Variants in PDK1 observed in about 807,000 individuals in gnomAD.
PDK1 encodes the protein [Pyruvate dehydrogenase (acetyl-transferring)] kinase isozyme 1, mitochondrial.
PDK1 carries 39 observed loss-of-function variants against 54.2 expected under a neutral mutation model. The observed-to-expected ratio is 0.72, with a 90% CI of 0.56 to 0.94. The LOEUF is 0.94. Among genes scored for constraint, PDK1 ranks in the 40% least tolerant of loss-of-function variants. The pLI, the probability that PDK1 is intolerant of heterozygous loss-of-function variation, is 0.00. For synonymous variants in PDK1, 221 were observed against 207.1 expected (o/e 1.07, Z -0.58); for missense variants, 552 against 566.0 (o/e 0.98, Z 0.25).
chr2:172,662,439 C>T, the PDK1 span, among the ~76,000 whole-genome samples: 7 of 148,992 alleles, frequency 4.7e-5, no homozygotes, highest in South Asian at 1.1e-3. Context: ...TATGCATATA[C>T]GTATTTTTAA....
chr2:172,640,854 G>A, the PDK1 span, among the ~76,000 whole-genome samples: 1 of 152,164 alleles, frequency 6.6e-6, no homozygotes, highest in Admixed American at 6.5e-5. Flanking sequence ...TGGATACACA[G>A]TAGCCTTGAG....
chr2:172,698,770 C>T, the PDK1 span, among the ~76,000 whole-genome samples: 10 of 152,212 alleles, frequency 6.6e-5, no homozygotes, highest in Admixed American at 3.3e-4. Context: ...ACATTAGAAC[C>T]ACGTGAGGAG....
At chr2:172,640,199 G>A in the PDK1 span, among the ~76,000 whole-genome samples, 3 of 152,170 alleles carry the variant, frequency 2.0e-5, no homozygotes, top group African/African-American at 7.2e-5. Flanking sequence ...CCTTGACAAG[G>A]GATAGAAGGG....
At chr2:172,588,414 C>T (rs929735025) in intron 9 of PDK1, among the ~76,000 whole-genome samples, 1 of 152,160 alleles carries the variant, frequency 6.6e-6, no homozygotes, top group African/African-American at 2.4e-5. Flanking sequence ...GCCACAGATT[C>T]CCCACTTAGA....
At chr2:172,683,777 GA>G in the PDK1 span, among the ~76,000 whole-genome samples, 26 of 152,196 alleles carry the variant, frequency 1.7e-4, no homozygotes, top group Non-Finnish European at 1.5e-4. Context: ...AAAATAGGGA[GA>G]AACCAGCAAA....
the PDK1 span, among the ~76,000 whole-genome samples, chr2:172,633,945 G>A: frequency 1.7e-5 from 2 of 120,884 alleles, no homozygotes; most frequent in African/African-American, 3.1e-5. Flanking sequence ...GCACGATCTC[G>A]CCTCACTGCA....
At chr2:172,555,994 A>C, upstream of PDK1, 2 of 463,426 alleles carry the variant, frequency 4.3e-6, no homozygotes, top group East Asian at 3.7e-5. Flanking sequence ...CGTCCCGCCC[A>C]GCGGCGCAGG....
chr2:172,694,773 G>C, the PDK1 span, among the ~76,000 whole-genome samples: 2 of 152,250 alleles, frequency 1.3e-5, no homozygotes, highest in East Asian at 3.9e-4. Flanking sequence ...TGTATACATA[G>C]CTCTCATTTG....
intron 8 of PDK1, among the ~76,000 whole-genome samples, chr2:172,584,912 C>G (rs989616708): frequency 1.3e-5 from 2 of 151,366 alleles, no homozygotes; most frequent in Non-Finnish European, 2.9e-5. Flanking sequence ...CCAAGTGATC[C>G]CCCTGTTATG....
chr2:172,562,530 A>G (rs796175692), intron 3 of PDK1, among the ~76,000 whole-genome samples: 1 of 152,254 alleles, frequency 6.6e-6, no homozygotes, highest in South Asian at 2.1e-4. Context: ...GTGTGGCCTC[A>G]GTGCCAGTTG....
chr2:172,642,186 T>C, the PDK1 span, among the ~76,000 whole-genome samples: 3 of 152,020 alleles, frequency 2.0e-5, no homozygotes, highest in East Asian at 1.9e-4. Context: ...GTTTGTTTGA[T>C]TGTAGGAAAA....
intron 7 of PDK1, among the ~76,000 whole-genome samples, chr2:172,569,340 G>A (rs767098196): frequency 3.9e-4 from 60 of 151,996 alleles, no homozygotes; most frequent in Non-Finnish European, 1.8e-4. Context: ...TGACTTACAG[G>A]GTTTCTGCTG....
chr2:172,713,740 C>CCTGCAGCTGGGTGG, the PDK1 span, among the ~76,000 whole-genome samples: 1 of 152,228 alleles, frequency 6.6e-6, no homozygotes, highest in Non-Finnish European at 1.5e-5. Context: ...ATGCCCAGGT[C>CCTGCAGCTGGGTGG]CTGCAGCTGG....
chr2:172,634,535 A>G, the PDK1 span, among the ~76,000 whole-genome samples: 1 of 151,864 alleles, frequency 6.6e-6, no homozygotes, highest in Non-Finnish European at 1.5e-5. Context: ...GGCCTTCCAA[A>G]GTGCTGGGAT....
downstream of PDK1, among the ~76,000 whole-genome samples, chr2:172,611,575 G>A (rs865844354): frequency 2.6e-5 from 4 of 152,094 alleles, no homozygotes; most frequent in East Asian, 1.9e-4. Flanking sequence ...TAGTTTTACC[G>A]TGATGCCAAA....
the PDK1 span, among the ~76,000 whole-genome samples, chr2:172,638,359 A>T: frequency 6.6e-6 from 1 of 152,270 alleles, no homozygotes; most frequent in Non-Finnish European, 1.5e-5. Flanking sequence ...CTTCTTGCTG[A>T]CATACATTTC....
chr2:172,645,844 T>C, the PDK1 span, among the ~76,000 whole-genome samples: 1 of 152,214 alleles, frequency 6.6e-6, no homozygotes, highest in African/African-American at 2.4e-5. Context: ...GGATACATGA[T>C]TGAATAAATC....
chr2:172,589,499 A>C (rs1690451927), intron 9 of PDK1, among the ~76,000 whole-genome samples: 1 of 152,192 alleles, frequency 6.6e-6, no homozygotes, highest in Non-Finnish European at 1.5e-5. Flanking sequence ...CCAGGGGAGT[A>C]AATACCCACC....
At chr2:172,564,920 T>G (rs1251529149) in intron 4 of PDK1, 58 bp from the exon 5 acceptor site, 21 of 1,167,036 alleles carry the variant, frequency 1.8e-5, no homozygotes, top group Non-Finnish European at 2.7e-5. Flanking sequence ...TATTCAGATT[T>G]GGAAAAGAGC....
Sources: gnomAD v4.1 joint callset for allele counts (sites outside exome capture counted in the v4.1 genomes callset) on GRCh38, gnomAD v4.1.1 for gene constraint, MANE v1.5 for transcripts, NCBI Gene and HGNC (gene_info 2026-07-23, HGNC 2026-07-21) for gene names.